The following TEX10 variants were observed in gnomAD, a reference collection of about 807,000 sequenced individuals.
TEX10 encodes the protein testis-expressed protein 10.
Under a neutral mutation model 104.4 loss-of-function variants are expected in TEX10, and 24 were observed. That is an observed-to-expected ratio of 0.23 (90% CI 0.17 to 0.32). TEX10 has a LOEUF of 0.32. Among genes scored for constraint, TEX10 ranks in the 10% least tolerant of loss-of-function variants. TEX10 has a pLI of 1.00. For synonymous variants in TEX10, 396 were observed against 393.4 expected (o/e 1.01, Z -0.08); for missense variants, 921 against 1,083.9 (o/e 0.85, Z 2.11).
intron 9 of TEX10, among the ~76,000 whole-genome samples, chr9:100,322,783 T>C (rs766637279): frequency 5.3e-5 from 8 of 152,052 alleles, no homozygotes; most frequent in Non-Finnish European, 7.4e-5. Context: ...ACCCAGCTAA[T>C]TTTTGTATTT....
At chr9:100,303,384 C>A (rs900339902) in intron 14 of TEX10, among the ~76,000 whole-genome samples, 4 of 151,762 alleles carry the variant, frequency 2.6e-5, no homozygotes, top group Admixed American at 2.0e-4. Flanking sequence ...TTGTCACCTT[C>A]ATTGAGTTTG....
At chr9:100,332,156 A>T (rs1429683351) in intron 5 of TEX10, among the ~76,000 whole-genome samples, 2 of 152,244 alleles carry the variant, frequency 1.3e-5, no homozygotes, top group African/African-American at 4.8e-5. Flanking sequence ...GAAATTACCC[A>T]TATGACTGCT....
chr9:100,346,239 T>C lies in TEX10; in HGVS notation c.970A>G (p.Ile324Val). ...TENLKGFIEIIIPLLIECWVE... is the reference protein window; with the variant it reads ...TENLKGFIEIVIPLLIECWVE... ...CAGCATTCAATTAGCAATGGAATTA[T>C]TATCTCAATAAATCCTTTCAGGTTT... Residue 324 changes from isoleucine (I) to valine (V), a missense_variant, in exon 4 of 15, where the codon ATA (isoleucine) becomes GTA (valine). Physicochemically the swap from Ile to Val is conservative, Grantham distance 29. Transcript: ENST00000374902. 1 of 1,614,068 alleles carries C rather than the reference T, an allele frequency of 6.2e-7. No individual in the cohort carries two copies. The highest frequency in any genetic ancestry group is 8.5e-7 in the Non-Finnish European group (1 of 1,179,956).
intron 12 of TEX10, 74 bp downstream of exon 12, chr9:100,310,225 G>C (rs193292509): frequency 9.2e-6 from 11 of 1,192,010 alleles, no homozygotes; most frequent in Admixed American, 1.9e-5. Flanking sequence ...GCTCTTTCTG[G>C]GGCTGTGGAA....
intron 1 of TEX10, among the ~76,000 whole-genome samples, chr9:100,351,580 A>C (rs1044124870): frequency 1.3e-5 from 2 of 152,128 alleles, no homozygotes; most frequent in African/African-American, 4.8e-5. Flanking sequence ...CATTCAGAAA[A>C]ATTAACTCCC....
Position 100,347,400 on chromosome 9 carries a change from G to C in TEX10, c.187C>G (p.Leu63Val). 2 of 1,559,152 alleles carry C rather than the reference G, an allele frequency of 1.3e-6. No individual in the cohort carries two copies. The highest frequency in any genetic ancestry group is 1.7e-6 in the Non-Finnish European group (2 of 1,157,062). Residue 63 changes from leucine (L) to valine (V), a missense_variant, in exon 3 of 15, where the codon CTG (leucine) becomes GTG (valine). Around this residue, in one of 3 missense-constraint regions of TEX10, gnomAD observed 118 missense variants for 111.3 expected, o/e 1.06. Coordinates refer to ENST00000374902, the MANE Select transcript of TEX10 (RefSeq NM_017746.4). ...NNRKLNIKDL[L>V]SQMHHYNAGV... ...GCATTGTAGTGATGCATCTGTGACA[G>C]CAAATCCTATAAATAAAAATACAAA...
chr9:100,326,868 A>T (rs748430100), intron 8 of TEX10, among the ~76,000 whole-genome samples: 2 of 152,200 alleles, frequency 1.3e-5, no homozygotes, highest in Non-Finnish European at 2.9e-5. Context: ...ATACCTACAG[A>T]TATATGACCA....
chr9:100,303,020 T>C (rs779760024), intron 14 of TEX10, among the ~76,000 whole-genome samples: 1 of 151,160 alleles, frequency 6.6e-6, no homozygotes, highest in Non-Finnish European at 1.5e-5. Context: ...AGCCAACCAT[T>C]AGACAAAGCT....
rs148912693 is a variant in TEX10, at chr9:100,312,180, C to T, written c.2203-1801G>A. Among the ~76,000 whole-genome samples, 994 of 152,316 alleles carry T rather than the reference C, an allele frequency of 6.5e-3. 6 individuals carry two copies. Among genetic ancestry groups the T allele is most frequent in the Admixed American group, 0.013 (199 of 15,300 alleles). On this transcript the variant is annotated intron_variant, in intron 11 of 14. Transcript: ENST00000374902. ...AAACCACATTTGAAAAGTGCACATT[C>T]AATAATGACCACTTCATCACTTCCC...
chr9:100,351,350 G>A (rs1239343170), intron 1 of TEX10, among the ~76,000 whole-genome samples: 1 of 112,078 alleles, frequency 8.9e-6, no homozygotes, highest in Non-Finnish European at 1.6e-5. Context: ...CACACCTCTA[G>A]TTACCTTAGT....
chr9:100,318,339 T>C (rs886604906), intron 11 of TEX10, among the ~76,000 whole-genome samples: 2 of 152,206 alleles, frequency 1.3e-5, no homozygotes, highest in African/African-American at 4.8e-5. Flanking sequence ...GGAAGGCCAT[T>C]ATCTTAAGTG....
Position 100,346,150 on chromosome 9 carries a change from T to A in TEX10, c.1059A>T (p.Leu353=), listed in dbSNP as rs1369531957. 1 of 1,614,038 alleles carries A rather than the reference T, an allele frequency of 6.2e-7. No individual in the cohort carries two copies. Among genetic ancestry groups the A allele is most frequent in the South Asian group, 1.1e-5 (1 of 91,070 alleles). The change falls in exon 4 of 15, where the codon CTA becomes CTT. Residue 353 remains leucine (L), a synonymous_variant. Transcript: ENST00000374902. ...PVGNGIEREP[L]QVMQQVLNII... is the part of the protein sequence containing the mutation. ...TATTAAGAACTTGCTGCATAACCTG[T>A]AGAGGTTCTCGTTCTATACCATTCC...
chr9:100,339,921 G>C (rs1835131140), intron 5 of TEX10, among the ~76,000 whole-genome samples: 1 of 151,956 alleles, frequency 6.6e-6, no homozygotes, highest in East Asian at 1.9e-4. Flanking sequence ...TGATCATCAA[G>C]ATATTCTCTT....
At chr9:100,344,119 A>C (rs1471773646) in intron 4 of TEX10, among the ~76,000 whole-genome samples, 1 of 152,238 alleles carries the variant, frequency 6.6e-6, no homozygotes, top group Middle Eastern at 3.2e-3. Context: ...AAATCTGCCA[A>C]GGTGAATTAG....
rs1564223389 is a variant in TEX10, at chr9:100,349,265, A to G, written c.99T>C (p.Phe33=). ...CAGGCAGATGTATAGTCTTTGTTTT[A>G]AAGTTTGTAGGAGTAGCATTTTGTA... ...PKLQNATPTN[F]KTKTIHLPEQ... is the part of the protein sequence containing the mutation. The change falls in exon 2 of 15, where the codon TTT becomes TTC. Residue 33 remains phenylalanine, a synonymous_variant. Transcript: ENST00000374902. 6.2e-7 allele frequency: 1 copy of G among 1,607,826 alleles called. No homozygotes were observed. The highest frequency in any genetic ancestry group is 8.5e-7 in the Non-Finnish European group (1 of 1,178,352).
chr9:100,351,594 C>G (rs1360251689), intron 1 of TEX10, among the ~76,000 whole-genome samples: 2 of 152,274 alleles, frequency 1.3e-5, no homozygotes, highest in African/African-American at 4.8e-5. Context: ...AACTCCCTTC[C>G]TCCTCCACTC....
At chr9:100,347,500 A>C (rs1835329148) in intron 2 of TEX10, 94 bp from the exon 3 acceptor site, 1 of 935,486 alleles carries the variant, frequency 1.1e-6, no homozygotes, top group East Asian at 2.8e-5. Flanking sequence ...GTAAACTGAC[A>C]CTCCTTGGGG....
In TEX10 at chr9:100,327,914, T is replaced by C; in HGVS notation, c.1674A>G (p.Gln558=). ...GATTTCGGGAGCCAAGATGAGCAAG[T>C]TGCAATGGTAAGCCAGCCAGCCAAC... is the stretch of plus-strand genomic sequence containing the variant. The part of the protein sequence containing the change: ...LSRWLAGLPL[Q]LAHLGSRNPE... The change falls in exon 8 of 15, where the codon CAA becomes CAG. Residue 558 remains glutamine (Q), a synonymous_variant. Coordinates refer to ENST00000374902, the MANE Select transcript of TEX10 (RefSeq NM_017746.4). 6 of 1,597,324 alleles carry C rather than the reference T, an allele frequency of 3.8e-6. No homozygotes were observed. The highest frequency in any genetic ancestry group is 1.1e-5 in the South Asian group (1 of 88,142).
At chr9:100,342,430 T>C (rs1310089465) in intron 4 of TEX10, among the ~76,000 whole-genome samples, 1 of 152,236 alleles carries the variant, frequency 6.6e-6, no homozygotes, top group African/African-American at 2.4e-5. Flanking sequence ...AATAGTACTA[T>C]TCAAAAGACC....
Sources: allele counts gnomAD v4.1 joint callset (sites outside exome capture counted in the v4.1 genomes callset), GRCh38; gene constraint gnomAD v4.1.1; regional missense constraint gnomAD v4.1.1; transcripts MANE v1.5; gene names NCBI Gene and HGNC (gene_info 2026-07-23, HGNC 2026-07-21).